BCLAF3: variants seen among roughly 807,000 people sequenced by gnomAD.
The protein encoded by BCLAF3 is transient octamer binding factor 1.
A neutral mutation model predicts 51.2 loss-of-function variants in BCLAF3; 24 were observed. That is an observed-to-expected ratio of 0.47 (90% CI 0.34 to 0.66). BCLAF3 has a LOEUF of 0.66. Ranked by LOEUF, BCLAF3 falls within the 30% of genes least tolerant of loss-of-function variation. The pLI is 0.01. For missense variants in BCLAF3, 465 were observed against 525.1 expected (o/e 0.89, Z 1.12); for synonymous variants, 152 against 176.6 (o/e 0.86, Z 1.10).
chrX:19,913,991 CTT>C lies in BCLAF3; in HGVS notation c.*3312_*3313del, dbSNP rs1407511698. ...CTCATAATCATCCTATTTGACGGAA[CTT>C]TGTTGGGGAACCTGGTATCCCCTCT... On this transcript the variant is annotated 3_prime_UTR_variant, in exon 12 of 12. Coordinates refer to ENST00000379682, the MANE Select transcript of BCLAF3 (RefSeq NM_001367774.2). 9.0e-6 allele frequency: 1 copy of C among 111,259 alleles called. No individual in the cohort carries two copies. Among genetic ancestry groups the C allele is most frequent in the African/African-American group, 3.3e-5 (1 of 30,541 alleles). The allele number at this position is 111,259 out of a possible 1,213,427, so 9.2% of individuals were successfully genotyped here. A position where few individuals can be genotyped will look rare whatever the true frequency, so the allele number is the denominator to read the frequency against.
At chrX:19,982,997 C>T (rs1332541036) in intron 1 of BCLAF3, among the ~76,000 whole-genome samples, 1 of 97,224 alleles carries the variant, frequency 1.0e-5, no homozygotes, top group Non-Finnish European at 2.0e-5. Flanking sequence ...CTCTGTTGCC[C>T]AGGCTGGACT....
At chrX:19,965,843 A>T (rs754437939) in intron 3 of BCLAF3, 137 bp from the exon 4 acceptor site, 23 of 681,465 alleles carry the variant, frequency 3.4e-5, no homozygotes, top group Non-Finnish European at 4.5e-5. Context: ...AGCCAATTCT[A>T]TAGGCACAAG....
Position 19,953,061 on chromosome X carries a change from T to C in BCLAF3, c.1566-10A>G, listed in dbSNP as rs1569505603. ...AGACATATCTATTCTCCTAAAATAATAAAGGCATAGTACAACTAAATAATT... is the reference window on the plus strand; with the variant it reads ...AGACATATCTATTCTCCTAAAATAACAAAGGCATAGTACAACTAAATAATT... On this transcript the variant is annotated splice_polypyrimidine_tract_variant and intron_variant, in intron 6 of 11. Coordinates refer to ENST00000379682, the MANE Select transcript of BCLAF3 (RefSeq NM_001367774.2). 1.7e-6 allele frequency: 2 copies of C among 1,169,355 alleles called. No individual in the cohort carries two copies. Among genetic ancestry groups the C allele is most frequent in the Admixed American group, 2.2e-5 (1 of 44,876 alleles).
At chrX:19,971,152 C>T (rs972107678) in intron 1 of BCLAF3, among the ~76,000 whole-genome samples, 6 of 112,102 alleles carry the variant, frequency 5.4e-5, no homozygotes, top group South Asian at 3.7e-4. Context: ...TGCAGTGGTG[C>T]GATCACAGTT....
At chrX:19,940,281 T>G (rs769716803) in intron 8 of BCLAF3, among the ~76,000 whole-genome samples, 1 of 109,278 alleles carries the variant, frequency 9.2e-6, no homozygotes, top group Non-Finnish European at 1.9e-5. Flanking sequence ...TATTTATTTT[T>G]TTTTTTTTAT....
chrX:19,921,424 C>A (rs1256410259), intron 11 of BCLAF3, among the ~76,000 whole-genome samples: 1 of 112,204 alleles, frequency 8.9e-6, no homozygotes, highest in African/African-American at 3.2e-5. Context: ...AAAGTTAGAT[C>A]CTGACTTTAC....
chrX:19,982,600 T>C (rs911405250), intron 1 of BCLAF3, among the ~76,000 whole-genome samples: 3 of 103,341 alleles, frequency 2.9e-5, no homozygotes, highest in Non-Finnish European at 4.0e-5. Context: ...CACACACACA[T>C]GCACAGAAAA....
intron 1 of BCLAF3, among the ~76,000 whole-genome samples, chrX:19,982,958 C>CTT (rs749753466): frequency 3.5e-4 from 25 of 72,329 alleles, no homozygotes; most frequent in East Asian, 7.5e-4. Flanking sequence ...TTTTTTTTTT[C>CTT]TTTTTTTTTT....
intron 10 of BCLAF3, among the ~76,000 whole-genome samples, chrX:19,931,036 C>T (rs988212138): frequency 8.9e-6 from 1 of 112,024 alleles, no homozygotes; most frequent in Admixed American, 9.5e-5. Context: ...TAACTTTATT[C>T]CTGTTAATAC....
intron 8 of BCLAF3, among the ~76,000 whole-genome samples, chrX:19,944,634 T>C (rs1306583695): frequency 2.3e-5 from 2 of 85,629 alleles, no homozygotes; most frequent in East Asian, 2.8e-4. Context: ...GGGTTTCTGC[T>C]GAGAGATCCG....
At chrX:19,977,881 C>T (rs999583865) in intron 1 of BCLAF3, among the ~76,000 whole-genome samples, 2 of 111,120 alleles carry the variant, frequency 1.8e-5, no homozygotes, top group Non-Finnish European at 3.8e-5. Flanking sequence ...TCCTAAAATT[C>T]CTGGGGCCCT....
chrX:19,950,179 C>A (rs1053722783), intron 8 of BCLAF3, among the ~76,000 whole-genome samples: 1 of 111,883 alleles, frequency 8.9e-6, no homozygotes, highest in Non-Finnish European at 1.9e-5. Flanking sequence ...TGTCCAAGAT[C>A]GGTCAGCTTG....
chrX:19,926,920 T>C (rs2070375268), intron 11 of BCLAF3, among the ~76,000 whole-genome samples: 1 of 111,246 alleles, frequency 9.0e-6, no homozygotes, highest in Admixed American at 9.6e-5. Flanking sequence ...ATGATTCCAT[T>C]GACACTTTTT....
At chrX:19,935,162 C>T (rs1450828821) in intron 10 of BCLAF3, among the ~76,000 whole-genome samples, 1 of 102,393 alleles carries the variant, frequency 9.8e-6, no homozygotes, top group African/African-American at 3.6e-5. Context: ...CCAGCCTGGG[C>T]GACAGAGGGA....
intron 4 of BCLAF3, among the ~76,000 whole-genome samples, chrX:19,958,235 G>A (rs1042464406): frequency 1.8e-5 from 2 of 111,791 alleles, no homozygotes; most frequent in South Asian, 3.7e-4. Context: ...TAATAACCAA[G>A]AAAATGTAAA....
chrX:19,937,348 T>C (rs771018598), intron 9 of BCLAF3, 70 bp downstream of exon 9: 14 of 550,383 alleles, frequency 2.5e-5, no homozygotes, highest in Non-Finnish European at 3.5e-5. Flanking sequence ...ATATTGGTGA[T>C]CCCTGCACAT....
At chrX:19,935,040 T>A (rs1032183636) in intron 10 of BCLAF3, among the ~76,000 whole-genome samples, 1 of 110,058 alleles carries the variant, frequency 9.1e-6, no homozygotes, top group African/African-American at 3.3e-5. Flanking sequence ...AAAAATTAGC[T>A]GGGCATGGTG....
At chrX:19,950,982 G>C in intron 7 of BCLAF3, 114 bp from the exon 8 acceptor site, 1 of 434,846 alleles carries the variant, frequency 2.3e-6, no homozygotes, top group Non-Finnish European at 4.0e-6. Flanking sequence ...TACTCATCCT[G>C]CTAATGGTAT....
chrX:19,915,602 T>C lies in BCLAF3; in HGVS notation c.*1703A>G, dbSNP rs186878255. 1.5e-4 allele frequency: 17 copies of C among 111,941 alleles called. No individual in the cohort carries two copies. The East Asian group carries it at 4.7e-3, about 31-fold the overall frequency. The allele number at this position is 111,941 out of a possible 1,213,427, so 9.2% of individuals were successfully genotyped here. On this transcript the variant is annotated 3_prime_UTR_variant, in exon 12 of 12. Transcript: ENST00000379682. The stretch of plus-strand genomic sequence containing the variant: ...GCTATAAAGGCGATTTACCAAGTTA[T>C]ATTTCTGTTTAATGTCCATTTTTCC...
Sources: allele counts gnomAD v4.1 joint callset (sites outside exome capture counted in the v4.1 genomes callset), GRCh38; gene constraint gnomAD v4.1.1; transcripts MANE v1.5; gene names NCBI Gene and HGNC (gene_info 2026-07-23, HGNC 2026-07-21).